BTBD1: variants seen among roughly 807,000 people sequenced by gnomAD.
The protein encoded by BTBD1 is BTB domain containing 1, also known as BTB/POZ domain-containing protein 1.
A neutral mutation model predicts 48.0 loss-of-function variants in BTBD1; 34 were observed. The ratio of observed to expected loss-of-function variants is 0.71; its 90% confidence interval spans 0.54 to 0.94. The LOEUF (loss-of-function observed/expected upper bound fraction) is 0.94. Among genes scored for constraint, BTBD1 ranks in the 40% least tolerant of loss-of-function variants. The pLI is 0.00. For missense variants in BTBD1, 543 were observed against 625.6 expected (o/e 0.87, Z 1.41); for synonymous variants, 261 against 242.1 (o/e 1.08, Z -0.72).
intron 5 of BTBD1, 156 bp from the exon 6 acceptor site, chr15:83,020,918 C>A: frequency 2.0e-6 from 1 of 511,836 alleles, no homozygotes; most frequent in Non-Finnish European, 3.4e-6. Context: ...TGTTTGCTTA[C>A]CAAAAAGCTT....
rs1433749797 is a variant in BTBD1, at chr15:83,017,253, T to C, written c.*814A>G. The C allele has an allele frequency of 3.3e-5, 5 of 152,668 alleles. No individual in the cohort carries two copies. Among genetic ancestry groups the C allele is most frequent in the Non-Finnish European group, 5.9e-5 (4 of 68,038 alleles). The allele number at this position is 152,668 out of a possible 1,614,324, so 9.5% of individuals were successfully genotyped here. A position where few individuals can be genotyped will look rare whatever the true frequency, so the allele number is the denominator to read the frequency against. On this transcript the variant is annotated 3_prime_UTR_variant, in exon 8 of 8. Coordinates refer to ENST00000261721, the MANE Select transcript of BTBD1 (RefSeq NM_025238.4). ...AAGGATTATCACAATGTTGAAGTGA[T>C]GGCTGTTCACCCAGTCGTCATCACC...
chr15:83,062,492 T>C (rs2033191943), intron 1 of BTBD1, among the ~76,000 whole-genome samples: 1 of 152,186 alleles, frequency 6.6e-6, no homozygotes, highest in African/African-American at 2.4e-5. Context: ...ATTTATAGCA[T>C]TAATATGGCA....
chr15:83,033,374 A>AG (rs1273225739), intron 4 of BTBD1, among the ~76,000 whole-genome samples: 2 of 152,200 alleles, frequency 1.3e-5, no homozygotes, highest in Non-Finnish European at 2.9e-5. Context: ...CTGGTCATAC[A>AG]GAAAAAAATG....
At chr15:83,061,997 T>C (rs1242356394) in intron 1 of BTBD1, among the ~76,000 whole-genome samples, 1 of 152,112 alleles carries the variant, frequency 6.6e-6, no homozygotes, top group Non-Finnish European at 1.5e-5. Flanking sequence ...AGTAATTAAG[T>C]GTGGAGCCCT....
At chr15:83,040,887 C>T (rs1044622972) in intron 4 of BTBD1, among the ~76,000 whole-genome samples, 2 of 151,796 alleles carry the variant, frequency 1.3e-5, no homozygotes, top group Non-Finnish European at 2.9e-5. Context: ...CAAACAGAGG[C>T]TGGGCGTGGT....
chr15:83,019,059 T>G (rs539340772), intron 6 of BTBD1, among the ~76,000 whole-genome samples: 9 of 150,802 alleles, frequency 6.0e-5, no homozygotes, highest in African/African-American at 2.2e-4. Context: ...GGTGGGTGTG[T>G]GTGTGTGTGT....
intron 1 of BTBD1, among the ~76,000 whole-genome samples, chr15:83,064,580 T>C (rs1209132675): frequency 1.3e-5 from 2 of 152,140 alleles, no homozygotes; most frequent in Admixed American, 6.5e-5. Flanking sequence ...AAGTAAAAAA[T>C]TGCCCCAAAA....
rs2032201945 is a variant in BTBD1 at position 83,017,883 on chromosome 15, T to G, written c.*184A>C. 1 of 383,638 alleles carries G rather than the reference T, an allele frequency of 2.6e-6. No individual in the cohort carries two copies. The highest frequency in any genetic ancestry group is 2.1e-5 in the African/African-American group (1 of 47,990). The allele number at this position is 383,638 out of a possible 1,614,324, so 23.8% of individuals were successfully genotyped here. The stretch of plus-strand genomic sequence containing the variant: ...CTTTTCTCTTAAAGTTGTAAGAAAA[T>G]GGAAAATCTGTTTTTAAATCATGCA... On this transcript the variant is annotated 3_prime_UTR_variant, in exon 8 of 8. Transcript: ENST00000261721.
chr15:83,019,525 C>T (rs985949350), intron 6 of BTBD1, among the ~76,000 whole-genome samples: 2 of 151,366 alleles, frequency 1.3e-5, no homozygotes, highest in Non-Finnish European at 2.9e-5. Context: ...ATTTATACTT[C>T]ATAATTTTAA....
At chr15:83,052,110 C>T (rs1411403457) in intron 2 of BTBD1, among the ~76,000 whole-genome samples, 4 of 152,118 alleles carry the variant, frequency 2.6e-5, no homozygotes, top group Non-Finnish European at 4.4e-5. Context: ...GCGCCTGCCA[C>T]CACACCCACC....
chr15:83,049,887 C>T (rs1395769685), intron 3 of BTBD1, among the ~76,000 whole-genome samples, 186 bp downstream of exon 3: 1 of 152,116 alleles, frequency 6.6e-6, no homozygotes, highest in Admixed American at 6.6e-5. Flanking sequence ...AATCTTTTAA[C>T]AGGCAATGAG....
intron 5 of BTBD1, among the ~76,000 whole-genome samples, chr15:83,027,336 G>A (rs563107880): frequency 1.8e-4 from 27 of 152,318 alleles, no homozygotes; most frequent in Admixed American, 1.6e-3. Context: ...TGGGCAACAA[G>A]AGCGAAACTC....
chr15:83,044,970 T>C (rs2032848257), intron 3 of BTBD1, among the ~76,000 whole-genome samples: 1 of 151,922 alleles, frequency 6.6e-6, no homozygotes, highest in Admixed American at 6.6e-5. Context: ...TTTGTGCTAA[T>C]AAAAAAATAA....
At chr15:83,025,872 C>G (rs2032395478) in intron 5 of BTBD1, among the ~76,000 whole-genome samples, 1 of 152,086 alleles carries the variant, frequency 6.6e-6, no homozygotes, top group African/African-American at 2.4e-5. Context: ...CGGGTTCACG[C>G]AATTCTCCTG....
rs1219804462 is a variant in BTBD1 at position 83,028,904 on chromosome 15, TG to T, written c.1055+1231del. On this transcript the variant is annotated intron_variant, in intron 5 of 7. Transcript: ENST00000261721. Reference sequence around the variant, plus strand: ...TTGGTCTTTTAAAGGAACCAGCTTATGGATTTATGAATTCTACTATTTCTAA... The same window carrying T: ...TTGGTCTTTTAAAGGAACCAGCTTATGATTTATGAATTCTACTATTTCTAA... Among the ~76,000 whole-genome samples, 18 of 152,192 alleles carry T rather than the reference TG, an allele frequency of 1.2e-4. 1 individual carries two copies. The highest frequency in any genetic ancestry group is 1.5e-5 in the Non-Finnish European group (1 of 68,028).
intron 4 of BTBD1, among the ~76,000 whole-genome samples, chr15:83,035,762 A>ATC (rs1236084722): frequency 3.9e-5 from 6 of 152,138 alleles, no homozygotes; most frequent in Non-Finnish European, 8.8e-5. Flanking sequence ...ATACTGTAAT[A>ATC]GAGAAAATTA....
chr15:83,045,442 G>A lies in BTBD1; in HGVS notation c.665-3517C>T, dbSNP rs147271701. 4.5e-4 allele frequency among the ~76,000 whole-genome samples: 69 copies of A among 152,210 alleles called. No individual in the cohort carries two copies. In the East Asian group the frequency reaches 8.1e-3, roughly 18 times the overall value. On this transcript the variant is annotated intron_variant, in intron 3 of 7. Transcript: ENST00000261721. ...GAACCCGGGAGGCGGAGGCTGCAGTGAGTCAAGATCACGCCACTGCACTCC... is the reference window on the plus strand; with the variant it reads ...GAACCCGGGAGGCGGAGGCTGCAGTAAGTCAAGATCACGCCACTGCACTCC...
intron 3 of BTBD1, among the ~76,000 whole-genome samples, chr15:83,046,224 C>G (rs779101053): frequency 2.6e-5 from 4 of 151,826 alleles, no homozygotes; most frequent in African/African-American, 4.8e-5. Context: ...GGCGAAACCC[C>G]GTCTCTACCA....
intron 5 of BTBD1, among the ~76,000 whole-genome samples, chr15:83,026,820 C>T (rs1452265507): frequency 6.6e-6 from 1 of 152,058 alleles, no homozygotes; most frequent in Admixed American, 6.5e-5. Flanking sequence ...CTGTGCCCAG[C>T]CTTTTAGTGC....
Sources: gnomAD v4.1 joint callset for allele counts (sites outside exome capture counted in the v4.1 genomes callset) on GRCh38, gnomAD v4.1.1 for gene constraint, MANE v1.5 for transcripts, NCBI Gene and HGNC (gene_info 2026-07-23, HGNC 2026-07-21) for gene names.